CCDC178: variants seen among roughly 807,000 people sequenced by gnomAD.
CCDC178 encodes the protein coiled-coil domain-containing protein 178.
A neutral mutation model predicts 117.4 loss-of-function variants in CCDC178; 126 were observed. The ratio of observed to expected loss-of-function variants is 1.07; its 90% CI spans 0.93 to 1.24. The LOEUF (loss-of-function observed/expected upper bound fraction) is 1.24. Among genes scored for constraint, CCDC178 ranks in the 50% most tolerant of loss-of-function variants. The pLI, the probability that CCDC178 is intolerant of heterozygous loss-of-function variation, is 0.00. For missense variants in CCDC178, 1,030 were observed against 986.9 expected (o/e 1.04, Z -0.59); for synonymous variants, 283 against 313.4 (o/e 0.90, Z 1.02).
At position 33,333,622 on chromosome 18, in the gene CCDC178, T is replaced by C. The variant is rs556522738; in HGVS notation, c.659-228A>G. Reference sequence around the variant, plus strand: ...CCTCTGCCTCCCAGGTTCAAGCAATTCTGCCTCAGCCTCCCAAGCAGTTGG... The same window carrying C: ...CCTCTGCCTCCCAGGTTCAAGCAATCCTGCCTCAGCCTCCCAAGCAGTTGG... On this transcript the variant is annotated intron_variant, in intron 9 of 22. Transcript: ENST00000383096. Among the ~76,000 whole-genome samples, 4 of 151,180 alleles carry C rather than the reference T, an allele frequency of 2.6e-5. No homozygotes were observed. The East Asian group carries it at 7.9e-4, about 30-fold the overall frequency.
chr18:33,019,273 G>T (rs1339608141), intron 21 of CCDC178, among the ~76,000 whole-genome samples: 3 of 152,156 alleles, frequency 2.0e-5, no homozygotes, highest in African/African-American at 7.2e-5. Flanking sequence ...ACAAAGAAAG[G>T]TGGAGGGTAC....
At chr18:33,360,753 A>G (rs1489406241) in intron 6 of CCDC178, among the ~76,000 whole-genome samples, 1 of 151,792 alleles carries the variant, frequency 6.6e-6, no homozygotes, top group East Asian at 1.9e-4. Flanking sequence ...AATCCCATTT[A>G]TAACAGCATA....
In CCDC178 at chr18:33,319,572, G is replaced by A. The variant is rs564581835; in HGVS notation, c.1022+3919C>T. Among the ~76,000 whole-genome samples, 3 of 152,202 alleles carry A rather than the reference G, an allele frequency of 2.0e-5. No homozygotes were observed. The South Asian group carries it at 6.2e-4, about 32-fold the overall frequency. ...GTATATACCCAGTAATGGGATGGCT[G>A]GGTCAAATGGTATTTCTAGTTCTAG... On this transcript the variant is annotated intron_variant, in intron 11 of 22. Transcript: ENST00000383096.
intron 20 of CCDC178, among the ~76,000 whole-genome samples, chr18:33,122,917 C>T (rs2057956113): frequency 6.6e-6 from 1 of 152,060 alleles, no homozygotes; most frequent in Non-Finnish European, 1.5e-5. Context: ...CTCATAGGTA[C>T]CGGCTACAGA....
At chr18:33,014,837 A>G (rs1197154805) in intron 21 of CCDC178, among the ~76,000 whole-genome samples, 1 of 152,226 alleles carries the variant, frequency 6.6e-6, no homozygotes. Flanking sequence ...CAGCAACAAC[A>G]GCAATAACAA....
intron 21 of CCDC178, among the ~76,000 whole-genome samples, chr18:33,069,214 A>G (rs1178737553): frequency 1.3e-5 from 2 of 152,168 alleles, no homozygotes; most frequent in Admixed American, 1.3e-4. Flanking sequence ...AAAAGGCTGA[A>G]TAGCCAAAGC....
At chr18:33,423,974 T>G (rs752656489) in intron 2 of CCDC178, among the ~76,000 whole-genome samples, 41 of 152,230 alleles carry the variant, frequency 2.7e-4, no homozygotes, top group Admixed American at 1.3e-4. Context: ...GTTATTTTAA[T>G]AGCTTTGATA....
intron 17 of CCDC178, among the ~76,000 whole-genome samples, chr18:33,224,554 C>A (rs1555665774): frequency 1.3e-5 from 2 of 152,098 alleles, no homozygotes; most frequent in Non-Finnish European, 2.9e-5. Flanking sequence ...TTGAAACCTG[C>A]TTTTCCCAAG....
At chr18:33,197,289 C>T (rs2058941808) in intron 20 of CCDC178, among the ~76,000 whole-genome samples, 1 of 152,148 alleles carries the variant, frequency 6.6e-6, no homozygotes, top group Non-Finnish European at 1.5e-5. Flanking sequence ...TTAGCCTCTC[C>T]AGGTGATGAG....
chr18:32,955,011 G>C (rs1318120057), intron 22 of CCDC178, among the ~76,000 whole-genome samples: 1 of 152,078 alleles, frequency 6.6e-6, no homozygotes, highest in Non-Finnish European at 1.5e-5. Flanking sequence ...CAGGATGCTA[G>C]CTGTCCAAAT....
chr18:33,081,154 A>G (rs1438868465), intron 21 of CCDC178, among the ~76,000 whole-genome samples: 1 of 152,156 alleles, frequency 6.6e-6, no homozygotes, highest in Non-Finnish European at 1.5e-5. Context: ...TTTAGCCAGA[A>G]CTGTCACAAT....
intron 20 of CCDC178, among the ~76,000 whole-genome samples, chr18:33,120,132 T>C (rs892472079): frequency 2.0e-5 from 3 of 151,852 alleles, no homozygotes; most frequent in African/African-American, 7.3e-5. Flanking sequence ...CATGTATACA[T>C]ATGTAACAAA....
At chr18:33,016,634 G>C (rs1259726220) in intron 21 of CCDC178, among the ~76,000 whole-genome samples, 1 of 151,848 alleles carries the variant, frequency 6.6e-6, no homozygotes, top group African/African-American at 2.4e-5. Context: ...AAGGGAGGGG[G>C]ATCAGAGCTT....
Position 33,397,186 on chromosome 18 carries a change from CT to C in CCDC178, c.80del (p.Lys27ArgfsTer39). On this transcript the variant is annotated frameshift_variant, in exon 4 of 23. Transcript: ENST00000383096. LOFTEE classifies it high-confidence loss of function. Reference sequence around the variant, plus strand: ...TTGACCATGCCTTCTCTCTGAGAGCCTTTACTTCCTGACATGTTAAACCTAT... The same window carrying C: ...TTGACCATGCCTTCTCTCTGAGAGCCTTACTTCCTGACATGTTAAACCTAT... The part of the protein sequence containing the change: ...TNIGLTCQEV[K>X]ALREKAWSRT... 6.2e-7 allele frequency: 1 copy of C among 1,606,518 alleles called. No individual in the cohort carries two copies. The highest frequency in any genetic ancestry group is 1.3e-5 in the African/African-American group (1 of 74,852).
chr18:33,120,178 G>A (rs1001437784), intron 20 of CCDC178, among the ~76,000 whole-genome samples: 2 of 149,648 alleles, frequency 1.3e-5, no homozygotes, highest in African/African-American at 5.0e-5. Context: ...ACAACTTAAA[G>A]TATAATAATA....
rs551408465 is a variant in CCDC178, at chr18:33,126,728, A to G, written c.2239-33818T>C. ...GGCTGCAGTGCAGTGGCGCCATCTC[A>G]GCTCACTGCAACCTCTGCCTCCTGG... On this transcript the variant is annotated intron_variant, in intron 20 of 22. Transcript: ENST00000383096. 2.0e-5 allele frequency among the ~76,000 whole-genome samples: 3 copies of G among 151,988 alleles called. 1 individual carries two copies. In the South Asian group the frequency reaches 6.2e-4, roughly 32 times the overall value.
At chr18:33,245,214 C>A in intron 15 of CCDC178, 31 bp downstream of exon 15, 1 of 1,469,698 alleles carries the variant, frequency 6.8e-7, no homozygotes, top group African/African-American at 1.4e-5. Context: ...TTTTTTTCAT[C>A]ATGAGTAAGA....
chr18:33,421,900 A>G (rs1222810137), intron 2 of CCDC178, among the ~76,000 whole-genome samples: 1 of 152,198 alleles, frequency 6.6e-6, no homozygotes, highest in Non-Finnish European at 1.5e-5. Context: ...TGTCTTCTTA[A>G]ACTCTCTATT....
chr18:33,368,873 AT>A (rs1445884977), intron 6 of CCDC178, among the ~76,000 whole-genome samples: 1 of 151,982 alleles, frequency 6.6e-6, no homozygotes, highest in Non-Finnish European at 1.5e-5. Context: ...TGTTTTAATT[AT>A]TTATTAAAAT....
Sources: allele counts gnomAD v4.1 joint callset (sites outside exome capture counted in the v4.1 genomes callset), GRCh38; gene constraint gnomAD v4.1.1; transcripts MANE v1.5; gene names NCBI Gene and HGNC (gene_info 2026-07-23, HGNC 2026-07-21).